Variants in MACC1 observed in about 807,000 individuals in gnomAD.
The protein encoded by MACC1 is metastasis-associated in colon cancer protein 1.
A neutral mutation model predicts 70.7 loss-of-function variants in MACC1; 79 were observed. The ratio of observed to expected loss-of-function variants is 1.12; its 90% CI spans 0.93 to 1.35. MACC1 has a LOEUF of 1.35. Ranked by LOEUF, MACC1 falls within the 40% of genes most tolerant of loss-of-function variation. MACC1 has a pLI of 0.00. For synonymous variants in MACC1, 361 were observed against 347.2 expected, an observed-to-expected ratio of 1.04 and a Z score of -0.44; for missense variants, 1,106 against 978.1, an observed-to-expected ratio of 1.13 and a Z score of -1.74.
At chr7:20,192,841 T>A (rs2128107305) in intron 1 of MACC1, among the ~76,000 whole-genome samples, 1 of 152,336 alleles carries the variant, frequency 6.6e-6, no homozygotes, top group East Asian at 1.9e-4. Flanking sequence ...CTCATGAAGA[T>A]TCAGGGATGA....
rs200012620 is a variant in MACC1 at position 20,159,216 on chromosome 7, G to A, written c.1145C>T (p.Pro382Leu). 5.6e-6 allele frequency: 9 copies of A among 1,613,730 alleles called. No individual in the cohort carries two copies. In the East Asian group the frequency reaches 1.6e-4, roughly 28 times the overall value. The change falls in exon 5 of 7, where the codon CCC (proline) becomes CTC (leucine). Residue 382 changes from proline (P) to leucine (L), a missense_variant. Pro to Leu is a moderately conservative substitution (Grantham distance 98). Transcript: ENST00000400331. Reference sequence around the variant, plus strand: ...AACTGTTAAAACAACAGTAAAACTGGGATGGATATATTTGGGTCCATAAAT... The same window carrying A: ...AACTGTTAAAACAACAGTAAAACTGAGATGGATATATTTGGGTCCATAAAT... ...IGIYGPKYIH[P>L]SFTVVLTVCG...
intron 1 of MACC1, among the ~76,000 whole-genome samples, chr7:20,191,509 C>T (rs1472662893): frequency 3.9e-5 from 6 of 152,132 alleles, no homozygotes; most frequent in Non-Finnish European, 1.5e-5. Context: ...TTGGTGCTAT[C>T]AGTGGGTCTC....
At chr7:20,147,165 A>G (rs1051392154) in intron 6 of MACC1, among the ~76,000 whole-genome samples, 1 of 152,212 alleles carries the variant, frequency 6.6e-6, no homozygotes, top group Non-Finnish European at 1.5e-5. Flanking sequence ...TGAAATAGGA[A>G]TAAAGGCAAA....
Position 20,137,177 on chromosome 7 carries a change from G to A in MACC1, c.*3769C>T, listed in dbSNP as rs1156821349. On this transcript the variant is annotated 3_prime_UTR_variant, in exon 7 of 7. Transcript: ENST00000400331. ...AAAAATTCAAGTCCTTCAACTTCCA[G>A]TTATAGCATTGTACAAATTTGAGTG... is the stretch of plus-strand genomic sequence containing the variant. 6 of 152,034 alleles carry A rather than the reference G, an allele frequency of 3.9e-5. No homozygotes were observed. The highest frequency in any genetic ancestry group is 3.3e-4 in the Admixed American group (5 of 15,262). 9.4% of individuals were successfully genotyped at this position (152,034 alleles called of 1,614,324 possible). A position where few individuals can be genotyped will look rare whatever the true frequency, so the allele number is the denominator to read the frequency against.
intron 6 of MACC1, among the ~76,000 whole-genome samples, chr7:20,145,288 T>C (rs531826955): frequency 6.6e-6 from 1 of 152,194 alleles, no homozygotes; most frequent in South Asian, 2.1e-4. Context: ...TTTTGGAAAT[T>C]AGCAGGACTT....
chr7:20,177,570 G>A (rs993576170), intron 1 of MACC1, among the ~76,000 whole-genome samples: 2 of 151,534 alleles, frequency 1.3e-5, no homozygotes, highest in Admixed American at 6.6e-5. Context: ...GTGCTTTTTT[G>A]TTCTAATTTA....
In MACC1 at chr7:20,141,014, C is replaced by T. The variant is rs767205605; in HGVS notation, c.2491G>A (p.Val831Ile). The T allele has an allele frequency of 1.2e-6, 2 of 1,613,900 alleles. No homozygotes were observed. Among genetic ancestry groups the T allele is most frequent in the Non-Finnish European group, 1.7e-6 (2 of 1,179,982 alleles). The change falls in exon 7 of 7, where the codon GTT (valine) becomes ATT (isoleucine). Residue 831 changes from valine (V) to isoleucine (I), a missense_variant. Transcript: ENST00000400331. ...VTKHWRELTGVLILVNSLEVL... is the reference protein window; with the variant it reads ...VTKHWRELTGILILVNSLEVL... ...TCCAAAGAATTTACTAGTATTAAAACTCCAGTTAATTCTCTCCAGTGTTTA... is the reference window on the plus strand; with the variant it reads ...TCCAAAGAATTTACTAGTATTAAAATTCCAGTTAATTCTCTCCAGTGTTTA...
At chr7:20,155,592 C>G (rs74716923) in intron 5 of MACC1, among the ~76,000 whole-genome samples, 7,015 of 152,060 alleles carry the variant, frequency 0.046, 539 homozygotes, top group African/African-American at 0.16. Context: ...GTTTGGTAGC[C>G]CCTCATTATT....
chr7:20,180,056 T>C (rs112858277), intron 1 of MACC1, among the ~76,000 whole-genome samples: 4,289 of 152,318 alleles, frequency 0.028, 216 homozygotes, highest in African/African-American at 0.098. Flanking sequence ...ATCAAAATTC[T>C]GCTAAATTTT....
intron 1 of MACC1, among the ~76,000 whole-genome samples, chr7:20,192,351 C>T (rs1365586616): frequency 2.0e-5 from 3 of 152,146 alleles, no homozygotes; most frequent in Non-Finnish European, 4.4e-5. Context: ...CTAGACCAGC[C>T]ATTGTGATTT....
At chr7:20,152,746 A>G (rs552208467) in intron 6 of MACC1, among the ~76,000 whole-genome samples, 2 of 152,328 alleles carry the variant, frequency 1.3e-5, no homozygotes, top group South Asian at 4.1e-4. Context: ...ATTTAGGGGA[A>G]GACAAACTAT....
chr7:20,160,063 G>C lies in MACC1; in HGVS notation c.298C>G (p.Pro100Ala), dbSNP rs1236930595. Reference sequence around the variant, plus strand: ...TCTATTTCTCTACAGAAAAGAAAAGGATCTTCCTTTAAGATGGAAATATTA... The same window carrying C: ...TCTATTTCTCTACAGAAAAGAAAAGCATCTTCCTTTAAGATGGAAATATTA... ...RNNISILKED[P>A]FLFCREIENG... The change falls in exon 5 of 7, where the codon CCT becomes GCT. Residue 100 changes from proline to alanine, a missense_variant. Physicochemically the swap from Pro to Ala is conservative, Grantham distance 27. Coordinates refer to ENST00000400331, the MANE Select transcript of MACC1 (RefSeq NM_182762.4). 4.3e-6 allele frequency: 7 copies of C among 1,609,700 alleles called. No homozygotes were observed. In the African/African-American group the frequency reaches 6.7e-5, roughly 15 times the overall value.
At chr7:20,213,468 A>G (rs1165632327) in intron 1 of MACC1, among the ~76,000 whole-genome samples, 1 of 152,238 alleles carries the variant, frequency 6.6e-6, no homozygotes, top group Non-Finnish European at 1.5e-5. Flanking sequence ...ATGAAGACAT[A>G]TGCACACATA....
intron 1 of MACC1, among the ~76,000 whole-genome samples, chr7:20,178,207 C>A (rs1199790442): frequency 6.6e-6 from 1 of 151,566 alleles, no homozygotes; most frequent in Non-Finnish European, 1.5e-5. Context: ...ATAAAAATAT[C>A]TGCTTATTGA....
At chr7:20,186,665 G>GA (rs1201813036) in intron 1 of MACC1, among the ~76,000 whole-genome samples, 19 of 148,892 alleles carry the variant, frequency 1.3e-4, no homozygotes, top group African/African-American at 4.4e-4. Flanking sequence ...TAGTCTGTTT[G>GA]AAAAAAAAAG....
chr7:20,173,980 G>A (rs1782353996), intron 1 of MACC1, among the ~76,000 whole-genome samples: 1 of 152,064 alleles, frequency 6.6e-6, no homozygotes, highest in Non-Finnish European at 1.5e-5. Flanking sequence ...AATTGGTTTG[G>A]GTGTATGGTT....
intron 6 of MACC1, among the ~76,000 whole-genome samples, chr7:20,142,388 AT>A (rs1781818885): frequency 6.6e-6 from 1 of 152,224 alleles, no homozygotes; most frequent in East Asian, 1.9e-4. Flanking sequence ...ATGAACAGCC[AT>A]TTCCTCATCT....
intron 1 of MACC1, among the ~76,000 whole-genome samples, chr7:20,195,301 C>T (rs533363835): frequency 6.6e-6 from 1 of 152,218 alleles, no homozygotes; most frequent in South Asian, 2.1e-4. Flanking sequence ...GATTTATGAG[C>T]TTAGAAAGGA....
chr7:20,186,639 T>C (rs1031290330), intron 1 of MACC1, among the ~76,000 whole-genome samples: 4 of 151,992 alleles, frequency 2.6e-5, no homozygotes, highest in South Asian at 4.1e-4. Flanking sequence ...AAGGAATTAG[T>C]TTGAGGAACC....
Sources: allele counts gnomAD v4.1 joint callset (sites outside exome capture counted in the v4.1 genomes callset), GRCh38; gene constraint gnomAD v4.1.1; transcripts MANE v1.5; gene names NCBI Gene and HGNC (gene_info 2026-07-23, HGNC 2026-07-21).